The following ESR1 variants were observed in gnomAD, a reference collection of about 807,000 sequenced individuals.
ESR1 encodes the protein estrogen receptor.
Under a neutral mutation model 52.7 loss-of-function variants are expected in ESR1, and 12 were observed. The ratio of observed to expected loss-of-function variants is 0.23; its 90% CI spans 0.15 to 0.37. ESR1 has a LOEUF of 0.37. Among genes scored for constraint, ESR1 ranks in the 10% least tolerant of loss-of-function variants. ESR1 has a pLI of 1.00. For synonymous variants in ESR1, 305 were observed against 316.8 expected, an observed-to-expected ratio of 0.96 and a Z score of 0.39; for missense variants, 584 against 779.7, an observed-to-expected ratio of 0.75 and a Z score of 2.99.
chr6:151,849,994 A>T (rs1186747968), intron 2 of ESR1, among the ~76,000 whole-genome samples: 25 of 105,090 alleles, frequency 2.4e-4, no homozygotes, highest in African/African-American at 4.1e-4. Context: ...ATATATATAT[A>T]TATATATATA....
In ESR1 at chr6:151,674,600, CCA is replaced by C. The variant is rs202007838; in HGVS notation, n.73+17840_73+17841del. Among the ~76,000 whole-genome samples the C allele has an allele frequency of 6.7e-4, 102 of 152,306 alleles. 3 individuals are homozygous for C. The East Asian group carries it at 0.019, about 29-fold the overall frequency. On this transcript the variant is annotated intron_variant and non_coding_transcript_variant, in intron 1 of 2. Transcript: ENST00000473497. Reference sequence around the variant, plus strand: ...CTGGTTCTAGATCCTTGAGGAATTGCCACAGAGTCTTCCACAATTGTTGAACT... The same window carrying C: ...CTGGTTCTAGATCCTTGAGGAATTGCCAGAGTCTTCCACAATTGTTGAACT...
rs2050801829 is a variant in ESR1 at position 152,098,405 on chromosome 6, GA to G, written c.1554-325del. On this transcript the variant is annotated intron_variant, in intron 7 of 7. Coordinates refer to ENST00000206249, the MANE Select transcript of ESR1 (RefSeq NM_000125.4). This position sits in a 1 kb window ranked among gnomAD's most constrained non-coding sequence, Gnocchi z 5.1. ...AATGCATTTAGGTCCTATTGGAGGG[GA>G]ATAGGATCTCATTTGAGGCCACGGA... Among the ~76,000 whole-genome samples, 1 of 151,958 alleles carries G rather than the reference GA, an allele frequency of 6.6e-6. No homozygotes were observed. Among genetic ancestry groups the G allele is most frequent in the African/African-American group, 2.4e-5 (1 of 41,370 alleles).
chr6:151,932,686 C>T (rs966243239), intron 3 of ESR1, among the ~76,000 whole-genome samples: 1 of 151,094 alleles, frequency 6.6e-6, no homozygotes, highest in Non-Finnish European at 1.5e-5. Flanking sequence ...AGCCAGTTTT[C>T]CCAGCACCAT....
intron 5 of ESR1, among the ~76,000 whole-genome samples, chr6:152,055,562 G>A (rs770822174): frequency 5.9e-5 from 9 of 152,154 alleles, no homozygotes; most frequent in Non-Finnish European, 1.0e-4. Context: ...AATATTTCAT[G>A]GCCAAAAACT....
At chr6:151,716,693 G>A (rs1781065944) in intron 2 of ESR1, among the ~76,000 whole-genome samples, 1 of 152,152 alleles carries the variant, frequency 6.6e-6, no homozygotes, top group South Asian at 2.1e-4. Context: ...CACCAAGCTT[G>A]AGCATCCCAG....
intron 2 of ESR1, among the ~76,000 whole-genome samples, chr6:151,879,502 C>T (rs1386394201): frequency 3.3e-5 from 5 of 152,080 alleles, no homozygotes; most frequent in African/African-American, 1.2e-4. Flanking sequence ...GCAAGGGAGA[C>T]TCTTTTATGG....
intron 5 of ESR1, among the ~76,000 whole-genome samples, chr6:152,031,213 A>T (rs1238635392): frequency 6.6e-6 from 1 of 152,222 alleles, no homozygotes; most frequent in East Asian, 1.9e-4. Flanking sequence ...ACACCCTAAC[A>T]TCACAATTAA....
chr6:151,812,759 T>C (rs1255157418), intron 1 of ESR1, among the ~76,000 whole-genome samples: 1 of 152,108 alleles, frequency 6.6e-6, no homozygotes, highest in Non-Finnish European at 1.5e-5. Flanking sequence ...TTTGCTTATC[T>C]AAAGAAAGGA....
chr6:151,913,459 G>A (rs1798589645), intron 3 of ESR1, among the ~76,000 whole-genome samples: 1 of 152,126 alleles, frequency 6.6e-6, no homozygotes, highest in Non-Finnish European at 1.5e-5. Flanking sequence ...TAACAAGTTT[G>A]TCCTGTTAAA....
chr6:152,046,760 C>T (rs1482092003), intron 5 of ESR1, among the ~76,000 whole-genome samples: 1 of 152,200 alleles, frequency 6.6e-6, no homozygotes. Flanking sequence ...GCTCACAGGC[C>T]TTGTTTGTGA....
intron 2 of ESR1, among the ~76,000 whole-genome samples, chr6:151,879,814 C>T (rs1013199435): frequency 6.6e-6 from 1 of 152,100 alleles, no homozygotes; most frequent in African/African-American, 2.4e-5. Context: ...CAGTCATGGA[C>T]TAATTTGTGA....
At chr6:152,129,000 A>C (rs2054506805) in exon 7 of ESR1, 1 of 152,264 alleles carries the variant, frequency 6.6e-6, no homozygotes, top group Non-Finnish European at 1.5e-5. Flanking sequence ...TGAGTAGCAA[A>C]GTGAACACTG....
intron 4 of ESR1, among the ~76,000 whole-genome samples, chr6:152,002,185 A>AGTGTGTGT (rs10578838): frequency 0.068 from 9,655 of 141,384 alleles, 392 homozygotes; most frequent in African/African-American, 0.12. Flanking sequence ...TTTTAAATCA[A>AGTGTGTGT]GTGTGTGTGT....
chr6:151,919,121 G>C (rs1373011517), intron 3 of ESR1, among the ~76,000 whole-genome samples: 1 of 152,130 alleles, frequency 6.6e-6, no homozygotes, highest in South Asian at 2.1e-4. Context: ...GTATTCAACA[G>C]ACACATACCT....
chr6:151,735,129 G>T (rs1002364273), intron 2 of ESR1, among the ~76,000 whole-genome samples: 1 of 152,136 alleles, frequency 6.6e-6, no homozygotes, highest in Admixed American at 6.5e-5. Flanking sequence ...TTATTGTGGG[G>T]ATGGCTGATA....
chr6:151,915,923 A>C (rs1280526345), intron 3 of ESR1, among the ~76,000 whole-genome samples: 1 of 152,132 alleles, frequency 6.6e-6, no homozygotes, highest in African/African-American at 2.4e-5. Context: ...ACTGAAGGAC[A>C]AATATTCTGG....
chr6:151,717,697 T>TC (rs1385897352), intron 2 of ESR1, among the ~76,000 whole-genome samples: 4 of 152,206 alleles, frequency 2.6e-5, no homozygotes, highest in Non-Finnish European at 5.9e-5. Context: ...TTTTGCTTCT[T>TC]CCACTTTTTT....
At chr6:151,806,284 A>G (rs1012174081), upstream of ESR1, among the ~76,000 whole-genome samples, 1 of 152,096 alleles carries the variant, frequency 6.6e-6, no homozygotes, top group African/African-American at 2.4e-5. Context: ...AGAATTAGAT[A>G]AAATGTATAC....
intron 3 of ESR1, among the ~76,000 whole-genome samples, chr6:151,909,866 A>T (rs1797996020): frequency 6.6e-6 from 1 of 152,022 alleles, no homozygotes. Context: ...GCTTCACCAG[A>T]TCGCCAAGCT....
Sources: allele counts gnomAD v4.1 joint callset (sites outside exome capture counted in the v4.1 genomes callset), GRCh38; gene constraint gnomAD v4.1.1; non-coding constraint Gnocchi (gnomAD v3.1); transcripts MANE v1.5; gene names NCBI Gene and HGNC (gene_info 2026-07-23, HGNC 2026-07-21).